Variants in KCNMB2 observed in about 807,000 individuals in gnomAD.
KCNMB2 encodes calcium-activated potassium channel subunit beta-2.
KCNMB2 carries 9 observed loss-of-function variants against 24.5 expected under a neutral mutation model. That is an observed-to-expected ratio of 0.37 (90% CI 0.22 to 0.64). The LOEUF (loss-of-function observed/expected upper bound fraction) is 0.64. Ranked by LOEUF, KCNMB2 falls within the 30% of genes least tolerant of loss-of-function variation. KCNMB2 has a pLI of 0.63. For missense variants in KCNMB2, 226 were observed against 284.3 expected (o/e 0.79, Z 1.47); for synonymous variants, 109 against 104.4 (o/e 1.04, Z -0.27).
intron 1 of KCNMB2, among the ~76,000 whole-genome samples, chr3:178,665,424 G>GC (rs935203467): frequency 5.3e-5 from 8 of 151,702 alleles, no homozygotes; most frequent in Non-Finnish European, 1.2e-4. Context: ...CAAATAAACT[G>GC]TTTTTTTTAA....
Position 178,737,856 on chromosome 3 carries a change from CT to C in KCNMB2, c.-67-69482del, listed in dbSNP as rs796904645. On this transcript the variant is annotated intron_variant, in intron 1 of 4. Transcript: ENST00000452583. ...TCTAAGTGGATCCTCAATGTTATCA[CT>C]TTTTCCAACGTAACCCAAGATATTC... Among the ~76,000 whole-genome samples the C allele has an allele frequency of 3.5e-4, 53 of 152,282 alleles. 3 individuals carry two copies. The highest frequency in any genetic ancestry group is 1.2e-3 in the African/African-American group (48 of 41,548).
At chr3:178,693,839 A>T (rs1482571227) in intron 1 of KCNMB2, among the ~76,000 whole-genome samples, 1 of 151,624 alleles carries the variant, frequency 6.6e-6, no homozygotes, top group East Asian at 1.9e-4. Flanking sequence ...TTCTTTGTAC[A>T]TCTGGTGAAA....
chr3:178,578,579 C>G (rs1717076998), intron 1 of KCNMB2, among the ~76,000 whole-genome samples: 1 of 152,110 alleles, frequency 6.6e-6, no homozygotes, highest in African/African-American at 2.4e-5. Context: ...AAGACACAGA[C>G]TGGCAAATTG....
rs67804985 is a variant in KCNMB2 at position 178,681,508 on chromosome 3, TA to T, written c.-67-125833del. On this transcript the variant is annotated intron_variant, in intron 1 of 4. Transcript: ENST00000452583. ...GCACTTCATAATTCACAAGGCATATTAATACACATTGTTTCATTTAGACTTT... is the reference window on the plus strand; with the variant it reads ...GCACTTCATAATTCACAAGGCATATTATACACATTGTTTCATTTAGACTTT... Among the ~76,000 whole-genome samples, 959 of 152,328 alleles carry T rather than the reference TA, an allele frequency of 6.3e-3. 8 individuals carry two copies. Among genetic ancestry groups the T allele is most frequent in the African/African-American group, 0.022 (911 of 41,576 alleles).
Position 178,662,718 on chromosome 3 carries a change from T to A in KCNMB2, c.-68+126007T>A, listed in dbSNP as rs1577080601. Among the ~76,000 whole-genome samples the A allele has an allele frequency of 2.6e-5, 4 of 152,248 alleles. No individual in the cohort carries two copies. The East Asian group carries it at 5.8e-4, about 22-fold the overall frequency. On this transcript the variant is annotated intron_variant, in intron 1 of 4. Transcript: ENST00000452583. ...AAAATTACACTATTTCACTACTAAT[T>A]TAATGATTTTTAATTATAATAATTC...
At chr3:178,547,210 C>T (rs535961639) in intron 1 of KCNMB2, among the ~76,000 whole-genome samples, 64 of 152,240 alleles carry the variant, frequency 4.2e-4, no homozygotes, top group African/African-American at 1.3e-3. Flanking sequence ...CTTGCTCTTC[C>T]GCTTTCCACC....
intron 1 of KCNMB2, among the ~76,000 whole-genome samples, chr3:178,782,174 T>G (rs1463596065): frequency 8.4e-6 from 1 of 118,482 alleles, no homozygotes; most frequent in African/African-American, 3.2e-5. Flanking sequence ...CCACATTTTC[T>G]TAATCCAGTC....
intron 1 of KCNMB2, among the ~76,000 whole-genome samples, chr3:178,717,261 C>T (rs1317598813): frequency 6.6e-6 from 1 of 152,052 alleles, no homozygotes; most frequent in African/African-American, 2.4e-5. Flanking sequence ...TCCAGCACCA[C>T]TGTGTTCATG....
At position 178,775,377 on chromosome 3, in the gene KCNMB2, A is replaced by G. The variant is rs544448607; in HGVS notation, c.-67-31966A>G. On this transcript the variant is annotated intron_variant, in intron 1 of 4. Transcript: ENST00000452583. ...AAATAAATGCATCAGTAAATAAAAC[A>G]CCCAGAGAAATTGTTTTAAAGACAA... Among the ~76,000 whole-genome samples, 10 of 152,322 alleles carry G rather than the reference A, an allele frequency of 6.6e-5. No individual in the cohort carries two copies. The East Asian group carries it at 1.9e-3, about 29-fold the overall frequency.
chr3:178,802,959 T>C (rs1168260067), intron 1 of KCNMB2, among the ~76,000 whole-genome samples: 1 of 152,196 alleles, frequency 6.6e-6, no homozygotes, highest in African/African-American at 2.4e-5. Flanking sequence ...ATTCAATCCA[T>C]TTGTTTTTAA....
In KCNMB2 at chr3:178,635,408, T is replaced by TACACACACACACACAC. The variant is rs58294929; in HGVS notation, c.-68+98718_-68+98733dup. On this transcript the variant is annotated intron_variant, in intron 1 of 4. Transcript: ENST00000452583. ...TATCCCTTACACAGGTGCTTATGCA[T>TACACACACACACACAC]ACACACACACACACACACACACACA... is the stretch of plus-strand genomic sequence containing the variant. Among the ~76,000 whole-genome samples the TACACACACACACACAC allele has an allele frequency of 1.7e-3, 247 of 144,962 alleles. 1 individual carries two copies. Among genetic ancestry groups the TACACACACACACACAC allele is most frequent in the African/African-American group, 5.9e-3 (231 of 39,188 alleles).
intron 4 of KCNMB2, among the ~76,000 whole-genome samples, chr3:178,836,981 T>C (rs1459700811): frequency 1.3e-5 from 2 of 152,118 alleles, no homozygotes; most frequent in African/African-American, 4.8e-5. Flanking sequence ...GATAACTAAA[T>C]CTTCACTCTA....
chr3:178,770,026 T>C (rs1712280323), intron 1 of KCNMB2, among the ~76,000 whole-genome samples: 1 of 152,210 alleles, frequency 6.6e-6, no homozygotes, highest in Admixed American at 6.5e-5. Context: ...TAAAAAGGAA[T>C]ACCAATAGGA....
chr3:178,549,893 G>A (rs992548672), intron 1 of KCNMB2, among the ~76,000 whole-genome samples: 1 of 151,914 alleles, frequency 6.6e-6, no homozygotes, highest in African/African-American at 2.4e-5. Flanking sequence ...AATAACAATA[G>A]TTTCCAAATG....
At chr3:178,756,377 T>A (rs962794091) in intron 1 of KCNMB2, among the ~76,000 whole-genome samples, 1 of 152,094 alleles carries the variant, frequency 6.6e-6, no homozygotes, top group African/African-American at 2.4e-5. Context: ...AAATAAAGAA[T>A]TAGGTTTCTG....
At chr3:178,585,695 A>G (rs904629951) in intron 1 of KCNMB2, among the ~76,000 whole-genome samples, 1 of 152,194 alleles carries the variant, frequency 6.6e-6, no homozygotes, top group African/African-American at 2.4e-5. Context: ...CTTGATCCAG[A>G]GACTTAGGCA....
intron 1 of KCNMB2, among the ~76,000 whole-genome samples, chr3:178,787,897 T>C (rs527385501): frequency 6.6e-6 from 1 of 152,340 alleles, no homozygotes; most frequent in African/African-American, 2.4e-5. Flanking sequence ...TGAACAGTTA[T>C]GTGAACTGAG....
chr3:178,576,416 C>T (rs111776762), intron 1 of KCNMB2, among the ~76,000 whole-genome samples: 3,944 of 152,134 alleles, frequency 0.026, 171 homozygotes, highest in African/African-American at 0.089. Context: ...GCTGGGCAGA[C>T]GTTTGGGCAG....
chr3:178,658,608 T>C (rs562081775), intron 1 of KCNMB2, among the ~76,000 whole-genome samples: 13 of 152,178 alleles, frequency 8.5e-5, no homozygotes, highest in Non-Finnish European at 1.9e-4. Context: ...CTATAAAAGA[T>C]GAATTTTTTC....
Sources: allele counts gnomAD v4.1 joint callset (sites outside exome capture counted in the v4.1 genomes callset), GRCh38; gene constraint gnomAD v4.1.1; transcripts MANE v1.5; gene names NCBI Gene and HGNC (gene_info 2026-07-23, HGNC 2026-07-21).